TRMT9B: variants seen among roughly 807,000 people sequenced by gnomAD.
TRMT9B encodes probable tRNA methyltransferase 9B.
Under a neutral mutation model 11.5 loss-of-function variants are expected in TRMT9B, and 16 were observed. The ratio of observed to expected loss-of-function variants is 1.39; its 90% CI spans 0.94 to 2.11. The LOEUF (loss-of-function observed/expected upper bound fraction) is 2.11. Ranked by LOEUF, TRMT9B falls within the 30% of genes most tolerant of loss-of-function variation. TRMT9B has a pLI of 0.00. For synonymous variants in TRMT9B, 274 were observed against 192.4 expected, an observed-to-expected ratio of 1.42 and a Z score of -3.51; for missense variants, 941 against 553.8, an observed-to-expected ratio of 1.70 and a Z score of -7.02.
At chr8:12,999,944 G>C (rs1263545276) in intron 2 of TRMT9B, among the ~76,000 whole-genome samples, 1 of 152,132 alleles carries the variant, frequency 6.6e-6, no homozygotes, top group African/African-American at 2.4e-5. Context: ...AAGAAAAAAG[G>C]GGGAACTTAT....
At chr8:12,947,577 T>G (rs1800325290) in intron 1 of TRMT9B, among the ~76,000 whole-genome samples, 1 of 152,238 alleles carries the variant, frequency 6.6e-6, no homozygotes, top group Non-Finnish European at 1.5e-5. Flanking sequence ...CAGCACATTT[T>G]GAGGCTTATG....
chr8:13,019,801 T>C (rs1301634276), intron 4 of TRMT9B, among the ~76,000 whole-genome samples: 1 of 152,210 alleles, frequency 6.6e-6, no homozygotes, highest in East Asian at 1.9e-4. Flanking sequence ...GGTAGAGTGA[T>C]TGTTTAAAGA....
chr8:13,005,002 TG>T (rs1355467229), intron 2 of TRMT9B, among the ~76,000 whole-genome samples: 1 of 146,928 alleles, frequency 6.8e-6, no homozygotes, highest in African/African-American at 2.6e-5. Context: ...GCCCACGGCC[TG>T]GGGGAACTTG....
chr8:12,999,545 A>T (rs996598573), intron 2 of TRMT9B, among the ~76,000 whole-genome samples: 1 of 152,324 alleles, frequency 6.6e-6, no homozygotes, highest in East Asian at 1.9e-4. Flanking sequence ...TGATTTAAAA[A>T]TTTAAAAGAA....
In TRMT9B at chr8:13,021,613, T is replaced by C; in HGVS notation, c.934T>C (p.Phe312Leu). ...TKGQSLDEEV[F>L]VESSSGKHLE... The stretch of plus-strand genomic sequence containing the variant: ...AGGGCAAAGTTTAGATGAGGAAGTG[T>C]TTGTGGAATCTTCTTCTGGAAAACA... Residue 312 changes from phenylalanine (F) to leucine (L), a missense_variant, in exon 5 of 5, where the codon TTT becomes CTT. By Grantham distance (22) the Phe-to-Leu change is conservative. Transcript: ENST00000524591. The C allele has an allele frequency of 6.2e-7, 1 of 1,613,748 alleles. No individual in the cohort carries two copies. Among genetic ancestry groups the C allele is most frequent in the Non-Finnish European group, 8.5e-7 (1 of 1,179,808 alleles).
In TRMT9B at chr8:13,022,499, T is replaced by C. The variant is rs998492487; in HGVS notation, c.*455T>C. The C allele has an allele frequency of 4.2e-5, 7 of 168,634 alleles. No individual in the cohort carries two copies. The highest frequency in any genetic ancestry group is 1.4e-4 in the African/African-American group (6 of 41,496). 10.4% of individuals were successfully genotyped at this position (168,634 alleles called of 1,614,324 possible). On this transcript the variant is annotated 3_prime_UTR_variant, in exon 5 of 5. Coordinates refer to ENST00000524591, the MANE Select transcript of TRMT9B (RefSeq NM_020844.3). Reference sequence around the variant, plus strand: ...AAGATAATAGGTAAATTTGATCCATTGCACAGATATACTTTGAACCATGTG... The same window carrying C: ...AAGATAATAGGTAAATTTGATCCATCGCACAGATATACTTTGAACCATGTG...
At chr8:12,970,388 A>C (rs960276687) in intron 1 of TRMT9B, among the ~76,000 whole-genome samples, 1 of 152,110 alleles carries the variant, frequency 6.6e-6, no homozygotes, top group African/African-American at 2.4e-5. Flanking sequence ...CTCCATCCCA[A>C]CCTAACAGTG....
Position 12,963,009 on chromosome 8 carries a change from C to T in TRMT9B, c.-200+17043C>T, listed in dbSNP as rs111381347. On this transcript the variant is annotated intron_variant, in intron 1 of 4. Coordinates refer to ENST00000524591, the MANE Select transcript of TRMT9B (RefSeq NM_020844.3). ...TTGGGGGTTTGATTTCTTCCCAGTC[C>T]GCTGAGTATTATGATTTATCCATTA... Among the ~76,000 whole-genome samples, 775 of 152,162 alleles carry T rather than the reference C, an allele frequency of 5.1e-3. 7 individuals are homozygous for T. Among genetic ancestry groups the T allele is most frequent in the African/African-American group, 0.017 (720 of 41,508 alleles).
At chr8:13,018,527 T>C (rs1462038750) in intron 4 of TRMT9B, among the ~76,000 whole-genome samples, 1 of 152,156 alleles carries the variant, frequency 6.6e-6, no homozygotes, top group Non-Finnish European at 1.5e-5. Flanking sequence ...TTTTTTTGTC[T>C]TATACCACCC....
In TRMT9B at chr8:13,018,866, T is replaced by A. The variant is rs114331890; in HGVS notation, c.329-2142T>A. 6.4e-3 allele frequency among the ~76,000 whole-genome samples: 981 copies of A among 152,326 alleles called. 8 individuals carry two copies. Among genetic ancestry groups the A allele is most frequent in the African/African-American group, 0.02 (850 of 41,572 alleles). On this transcript the variant is annotated intron_variant, in intron 4 of 4. Transcript: ENST00000524591. ...AACACTAAATAATACCTCAACACTA[T>A]GTTTGGAGGCGATTTCAAATAGCAA...
intron 4 of TRMT9B, among the ~76,000 whole-genome samples, chr8:13,017,680 C>T (rs991612837): frequency 7.3e-6 from 1 of 137,906 alleles, no homozygotes; most frequent in Non-Finnish European, 1.5e-5. Flanking sequence ...GTGGCATGAT[C>T]TTGACTCACT....
At chr8:13,014,527 C>T (rs1465983280) in intron 4 of TRMT9B, among the ~76,000 whole-genome samples, 2 of 152,034 alleles carry the variant, frequency 1.3e-5, no homozygotes, top group South Asian at 2.1e-4. Context: ...TATAAATAGG[C>T]CATTAAGCCC....
chr8:12,984,584 T>A (rs1187614186), intron 1 of TRMT9B, among the ~76,000 whole-genome samples: 1 of 152,180 alleles, frequency 6.6e-6, no homozygotes, highest in Non-Finnish European at 1.5e-5. Context: ...CCACTCCTTC[T>A]CTGGAAGTGC....
At chr8:12,955,851 A>G (rs1259687339) in intron 1 of TRMT9B, among the ~76,000 whole-genome samples, 1 of 152,078 alleles carries the variant, frequency 6.6e-6, no homozygotes, top group Non-Finnish European at 1.5e-5. Context: ...CCGGGCGGCA[A>G]GCTTGATGGG....
chr8:13,016,243 A>AT (rs559942085), intron 4 of TRMT9B, among the ~76,000 whole-genome samples: 1,631 of 144,460 alleles, frequency 0.011, 62 homozygotes, highest in African/African-American at 0.04. Context: ...TATTATATAT[A>AT]AAATATAAAT....
chr8:12,990,740 T>C lies in TRMT9B; in HGVS notation c.-199-94T>C, dbSNP rs1168647705. On this transcript the variant is annotated intron_variant, in intron 1 of 4. Transcript: ENST00000524591. ...TTCTAATCCCTACTTGGCTGGGTAA[T>C]TTATGCATAGGTCAGGAAGTCAGCC... 8.9e-6 allele frequency: 6 copies of C among 671,060 alleles called. No homozygotes were observed. The Admixed American group carries it at 1.0e-4, about 11-fold the overall frequency. 41.6% of individuals were successfully genotyped at this position (671,060 alleles called of 1,614,324 possible).
intron 2 of TRMT9B, among the ~76,000 whole-genome samples, chr8:12,994,791 C>T (rs898904185): frequency 6.6e-6 from 1 of 152,186 alleles, no homozygotes; most frequent in African/African-American, 2.4e-5. Flanking sequence ...AAGCAATTCT[C>T]CTGCCTCAGC....
chr8:12,952,107 G>A (rs1396522548), intron 1 of TRMT9B: 2 of 437,616 alleles, frequency 4.6e-6, no homozygotes, highest in Admixed American at 2.5e-5. Flanking sequence ...CGGCTCTGAT[G>A]CAAAAGCAGC....
At chr8:13,005,309 G>C (rs1472079009) in intron 2 of TRMT9B, among the ~76,000 whole-genome samples, 1 of 152,106 alleles carries the variant, frequency 6.6e-6, no homozygotes, top group Non-Finnish European at 1.5e-5. Flanking sequence ...CGGGGAGGTG[G>C]GAGGGAAGTG....
Sources: gnomAD v4.1 joint callset for allele counts (sites outside exome capture counted in the v4.1 genomes callset) on GRCh38, gnomAD v4.1.1 for gene constraint, MANE v1.5 for transcripts, NCBI Gene and HGNC (gene_info 2026-07-23, HGNC 2026-07-21) for gene names.